The following ACAT2 variants were observed in gnomAD, a reference collection of about 807,000 sequenced individuals.
ACAT2 encodes acetyl-CoA acetyltransferase, cytosolic.
In ACAT2, 26 loss-of-function variants were observed where a neutral mutation model predicts 37.1. That is an observed-to-expected ratio of 0.70 (90% confidence interval 0.51 to 0.97). ACAT2 has a LOEUF of 0.97. Among genes scored for constraint, ACAT2 ranks in the 50% least tolerant of loss-of-function variants. The probability of loss-of-function intolerance (pLI) is 0.00; values close to 1 mark genes in which losing one functional copy is unlikely to be tolerated. For missense variants in ACAT2, 468 were observed against 489.0 expected (o/e 0.96, Z 0.40); for synonymous variants, 156 against 163.6 (o/e 0.95, Z 0.35).
chr6:159,775,355 G>C (rs1274476360), intron 5 of ACAT2, 42 bp downstream of exon 5: 2 of 1,592,738 alleles, frequency 1.3e-6, no homozygotes, highest in African/African-American at 1.3e-5. Context: ...CTATTTATAG[G>C]TAAGAGTAAC....
In ACAT2 at chr6:159,768,630, T is replaced by C. The variant is rs1780291337; in HGVS notation, c.490+2T>C. On this transcript the variant is annotated splice_donor_variant, in intron 4 of 8. Transcript: ENST00000367048. LOFTEE classifies it high-confidence loss of function. Reference sequence around the variant, plus strand: ...ACAACTGTCATATGGGTATTACAGGTAAGGCAGACATGGCTGAAACTGTAT... The same window carrying C: ...ACAACTGTCATATGGGTATTACAGGCAAGGCAGACATGGCTGAAACTGTAT... The C allele has an allele frequency of 6.3e-7, 1 of 1,589,280 alleles. No individual in the cohort carries two copies. Among genetic ancestry groups the C allele is most frequent in the Non-Finnish European group, 8.6e-7 (1 of 1,157,644 alleles).
chr6:159,770,075 T>C (rs1036548949), intron 4 of ACAT2, among the ~76,000 whole-genome samples: 4 of 152,180 alleles, frequency 2.6e-5, no homozygotes, highest in Non-Finnish European at 5.9e-5. Context: ...GCCAAAGCCA[T>C]AGAGTAAAAG....
intron 4 of ACAT2, among the ~76,000 whole-genome samples, chr6:159,774,693 G>A (rs1169384984): frequency 1.3e-5 from 2 of 152,066 alleles, no homozygotes; most frequent in East Asian, 1.9e-4. Context: ...CTCCCACCTC[G>A]GCCTCCCAAA....
chr6:159,771,851 TCTA>T (rs1562478167), intron 4 of ACAT2, among the ~76,000 whole-genome samples: 1 of 152,098 alleles, frequency 6.6e-6, no homozygotes, highest in Non-Finnish European at 1.5e-5. Context: ...GCTATCATAG[TCTA>T]CTATGATTGC....
intron 7 of ACAT2, 124 bp from the exon 8 acceptor site, chr6:159,778,046 C>T: frequency 1.6e-6 from 1 of 643,180 alleles, no homozygotes; most frequent in Non-Finnish European, 2.6e-6. Flanking sequence ...CTGTATTAAC[C>T]TAAGAACAAA....
At chr6:159,763,129 C>A in intron 2 of ACAT2, 76 bp downstream of exon 2, 1 of 1,499,708 alleles carries the variant, frequency 6.7e-7, no homozygotes, top group South Asian at 1.3e-5. Flanking sequence ...CACACACTCT[C>A]ACACACTCAC....
intron 7 of ACAT2, 113 bp downstream of exon 7, chr6:159,777,569 T>C (rs1780445761): frequency 1.6e-6 from 2 of 1,248,224 alleles, no homozygotes; most frequent in Admixed American, 5.8e-5. Flanking sequence ...CCAAGAGCAT[T>C]TATTTCTATT....
intron 2 of ACAT2, among the ~76,000 whole-genome samples, chr6:159,764,338 A>C (rs1780219416): frequency 6.6e-6 from 1 of 152,134 alleles, no homozygotes; most frequent in South Asian, 2.1e-4. Flanking sequence ...TGCCCCTTGC[A>C]AATGGGGCAT....
chr6:159,768,384 A>T, intron 3 of ACAT2, 127 bp from the exon 4 acceptor site: 1 of 709,850 alleles, frequency 1.4e-6, no homozygotes. Context: ...AGGACCTAGA[A>T]CTGGGGAGAA....
At chr6:159,771,066 AAAATTAAATT>A (rs146534828) in intron 4 of ACAT2, among the ~76,000 whole-genome samples, 5 of 149,746 alleles carry the variant, frequency 3.3e-5, no homozygotes, top group Non-Finnish European at 5.9e-5. Flanking sequence ...TCTGTCTCAA[AAAATTAAATT>A]AAATTAAATT....
chr6:159,776,443 C>T (rs1780415511), intron 6 of ACAT2, among the ~76,000 whole-genome samples, 171 bp downstream of exon 6: 1 of 152,192 alleles, frequency 6.6e-6, no homozygotes. Flanking sequence ...CAGCCTCAAA[C>T]TCCTGGGCTC....
At chr6:159,777,608 A>T in intron 7 of ACAT2, 152 bp downstream of exon 7, 1 of 967,932 alleles carries the variant, frequency 1.0e-6, no homozygotes, top group Non-Finnish European at 1.5e-6. Flanking sequence ...TCTGTTGTCC[A>T]GGCTGGAGTG....
intron 2 of ACAT2, among the ~76,000 whole-genome samples, chr6:159,763,406 A>G (rs1216898474): frequency 6.6e-6 from 1 of 151,998 alleles, no homozygotes; most frequent in Non-Finnish European, 1.5e-5. Context: ...TAAAATAGCC[A>G]GGTATGATGG....
Position 159,765,787 on chromosome 6 carries a change from G to C in ACAT2, c.191-1218G>C, listed in dbSNP as rs6931958. Among the ~76,000 whole-genome samples, 789 of 152,236 alleles carry C rather than the reference G, an allele frequency of 5.2e-3. 5 individuals carry two copies. The highest frequency in any genetic ancestry group is 0.018 in the African/African-American group (747 of 41,554). ...TTAATATGTATATGATCCTGCATAT[G>C]TTTTCAGTCTCAAGTAACCTTACCC... On this transcript the variant is annotated intron_variant, in intron 2 of 8. Coordinates refer to ENST00000367048, the MANE Select transcript of ACAT2 (RefSeq NM_005891.3).
intron 4 of ACAT2, among the ~76,000 whole-genome samples, chr6:159,770,056 A>AG (rs887158514): frequency 3.3e-5 from 5 of 152,134 alleles, no homozygotes; most frequent in African/African-American, 1.2e-4. Context: ...ACCACAGTTT[A>AG]GGGGTAGGGC....
At chr6:159,762,638 A>G in intron 1 of ACAT2, 2 of 1,433,080 alleles carry the variant, frequency 1.4e-6, no homozygotes, top group South Asian at 2.4e-5. Flanking sequence ...TTTGGGAAGC[A>G]TGGGGTCGCA....
chr6:159,776,724 CCTT>C (rs1472752907), intron 6 of ACAT2, among the ~76,000 whole-genome samples: 2 of 152,306 alleles, frequency 1.3e-5, no homozygotes, highest in East Asian at 3.9e-4. Context: ...CCCAATACCT[CCTT>C]GTGAAGCCCA....
rs1425265946 is a variant in ACAT2 at position 159,768,537 on chromosome 6, A to G, written c.399A>G (p.Thr133=). 56 of 1,613,738 alleles carry G rather than the reference A, an allele frequency of 3.5e-5. No individual in the cohort carries two copies. The highest frequency in any genetic ancestry group is 4.7e-5 in the Non-Finnish European group (56 of 1,179,752). The part of the protein sequence containing the change: ...SKAPHLAYLR[T]GVKIGEMPLT... ...CTCCTCACTTGGCTTACTTGAGAAC[A>G]GGAGTAAAGATAGGTGAGATGCCAC... The change falls in exon 4 of 9, where the codon ACA becomes ACG. Residue 133 remains threonine, a synonymous_variant. Transcript: ENST00000367048.
Position 159,766,922 on chromosome 6 carries a change from A to G in ACAT2, c.191-83A>G, listed in dbSNP as rs1780264249. ...GCTTTCAGAAGTGGCAGGTAACCCA[A>G]CTGGCAATTTTCCACACACTTTCAC... On this transcript the variant is annotated intron_variant, in intron 2 of 8. Transcript: ENST00000367048. 6 of 1,554,860 alleles carry G rather than the reference A, an allele frequency of 3.9e-6. No homozygotes were observed. In the African/African-American group the frequency reaches 5.4e-5, roughly 14 times the overall value.
Sources: allele counts gnomAD v4.1 joint callset (sites outside exome capture counted in the v4.1 genomes callset), GRCh38; gene constraint gnomAD v4.1.1; transcripts MANE v1.5; gene names NCBI Gene and HGNC (gene_info 2026-07-23, HGNC 2026-07-21).